Variants in SIDT1 observed in about 807,000 individuals in gnomAD.
The protein encoded by SIDT1 is SID1 transmembrane family, member 1.
Under a neutral mutation model 107.5 loss-of-function variants are expected in SIDT1, and 101 were observed. The observed-to-expected ratio is 0.94, with a 90% CI of 0.80 to 1.11. The LOEUF is 1.11. Ranked by LOEUF, SIDT1 falls within the 50% of genes least tolerant of loss-of-function variation. SIDT1 has a pLI of 0.00. For synonymous variants in SIDT1, 395 were observed against 398.2 expected, an observed-to-expected ratio of 0.99 and a Z score of 0.10; for missense variants, 1,076 against 1,058.2, an observed-to-expected ratio of 1.02 and a Z score of -0.23.
intron 1 of SIDT1, among the ~76,000 whole-genome samples, chr3:113,537,749 G>A (rs1171258160): frequency 1.3e-5 from 2 of 152,210 alleles, no homozygotes; most frequent in Non-Finnish European, 2.9e-5. Flanking sequence ...GGCCAAGAGA[G>A]CAAAGAGAGA....
chr3:113,559,636 G>A (rs915317585), intron 1 of SIDT1, among the ~76,000 whole-genome samples: 37 of 151,884 alleles, frequency 2.4e-4, no homozygotes, highest in African/African-American at 8.2e-4. Context: ...TAGAGACAGA[G>A]GTTTTACCAT....
At position 113,614,053 on chromosome 3, in the gene SIDT1, T is replaced by C. The variant is rs1370849967; in HGVS notation, c.1966+1859T>C. Among the ~76,000 whole-genome samples the C allele has an allele frequency of 3.3e-5, 5 of 152,134 alleles. 1 individual carries two copies. The highest frequency in any genetic ancestry group is 9.7e-5 in the African/African-American group (4 of 41,414). ...AGCAGCAGTGAAGCTTTTACATCTA[T>C]AAGCCCAAAAGGACAGGGAAGACAT... On this transcript the variant is annotated intron_variant, in intron 19 of 24. Transcript: ENST00000264852.
At chr3:113,623,133 G>C (rs1320216232) in intron 21 of SIDT1, among the ~76,000 whole-genome samples, 1 of 140,344 alleles carries the variant, frequency 7.1e-6, no homozygotes, top group Non-Finnish European at 1.5e-5. Flanking sequence ...GGAGGTTGCA[G>C]TGAGCCGTGA....
chr3:113,561,764 G>A (rs1441986038), intron 1 of SIDT1, among the ~76,000 whole-genome samples: 2 of 152,180 alleles, frequency 1.3e-5, no homozygotes, highest in Non-Finnish European at 2.9e-5. Flanking sequence ...TGACTTGAGG[G>A]ATTTGCTTTG....
At chr3:113,543,180 A>T (rs112976580) in intron 1 of SIDT1, among the ~76,000 whole-genome samples, 6,422 of 152,082 alleles carry the variant, frequency 0.042, 259 homozygotes, top group African/African-American at 0.11. Context: ...AACTCAGGTG[A>T]TCCATCTGCC....
intron 6 of SIDT1, among the ~76,000 whole-genome samples, chr3:113,582,866 G>A (rs1170454095): frequency 2.0e-5 from 3 of 152,062 alleles, no homozygotes; most frequent in African/African-American, 7.2e-5. Flanking sequence ...TTAAGTCTGG[G>A]TTATAGAACT....
At position 113,580,622 on chromosome 3, in the gene SIDT1, G is replaced by T; in HGVS notation, c.576G>T (p.Lys192Asn). The change falls in exon 5 of 25, where the codon AAG becomes AAT. Residue 192 changes from lysine (K) to asparagine (N), a missense_variant. Physicochemically the swap from Lys to Asn is moderately conservative, Grantham distance 94. Transcript: ENST00000264852. ...CTTATTCTCAGTATTTTCTATACAA[G>T]TTTCCCAAAGACGTGGACTCAGTTA... ...SPSQPQYFLY[K>N]FPKDVDSVII... is the part of the protein sequence containing the mutation. 6.2e-7 allele frequency: 1 copy of T among 1,604,270 alleles called. No homozygotes were observed. Among genetic ancestry groups the T allele is most frequent in the African/African-American group, 1.3e-5 (1 of 74,864 alleles).
chr3:113,539,999 C>T (rs1274837112), intron 1 of SIDT1, among the ~76,000 whole-genome samples: 1 of 140,400 alleles, frequency 7.1e-6, no homozygotes, highest in Non-Finnish European at 1.5e-5. Flanking sequence ...AGTGAAACTC[C>T]GTCTCAAAAA....
In SIDT1 at chr3:113,628,890, C is replaced by T. The variant is rs1947015930; in HGVS notation, c.*1182C>T. 1 of 152,274 alleles carries T rather than the reference C, an allele frequency of 6.6e-6. No homozygotes were observed. Among genetic ancestry groups the T allele is most frequent in the Non-Finnish European group, 1.5e-5 (1 of 68,070 alleles). The allele number at this position is 152,274 out of a possible 1,614,324, so 9.4% of individuals were successfully genotyped here. A position where few individuals can be genotyped will look rare whatever the true frequency, so the allele number is the denominator to read the frequency against. ...AATCTAATGTTGTCTCTCGGTTGCA[C>T]CTGACATTCTCTCCCCAGTAAGGTG... On this transcript the variant is annotated 3_prime_UTR_variant, in exon 25 of 25. Transcript: ENST00000264852.
At chr3:113,589,585 G>C (rs1301558653) in intron 9 of SIDT1, among the ~76,000 whole-genome samples, 1 of 143,022 alleles carries the variant, frequency 7.0e-6, no homozygotes, top group Non-Finnish European at 1.5e-5. Flanking sequence ...CCAGGCTGGA[G>C]TGCAGTGGCA....
intron 9 of SIDT1, chr3:113,592,697 C>T (rs565246121): frequency 2.2e-5 from 7 of 312,434 alleles, no homozygotes; most frequent in East Asian, 7.2e-5. Context: ...AAGCAATTCT[C>T]CTGCCTCAGC....
At chr3:113,599,284 G>A (rs969742696) in intron 10 of SIDT1, among the ~76,000 whole-genome samples, 28 of 152,246 alleles carry the variant, frequency 1.8e-4, no homozygotes, top group African/African-American at 6.3e-4. Context: ...GAAAGAAGAT[G>A]CAGGATGACC....
chr3:113,577,583 C>T (rs1043398457), intron 4 of SIDT1, among the ~76,000 whole-genome samples: 9 of 152,138 alleles, frequency 5.9e-5, no homozygotes, highest in African/African-American at 2.2e-4. Flanking sequence ...TACATGAAAA[C>T]TTGGATTAAG....
At position 113,566,496 on chromosome 3, in the gene SIDT1, A is replaced by C; in HGVS notation, c.299A>C (p.Gln100Pro). The C allele has an allele frequency of 1.2e-6, 2 of 1,614,216 alleles. No individual in the cohort carries two copies. The highest frequency in any genetic ancestry group is 1.7e-6 in the Non-Finnish European group (2 of 1,180,040). The stretch of plus-strand genomic sequence containing the variant: ...CCGGTCCTTGTTGTGGTTCGCCAGC[A>C]GAAAGAGGTGCTGTCCTGGCAGGTT... The part of the protein sequence containing the change: ...NYPVLVVVRQ[Q>P]KEVLSWQVPL... The change falls in exon 2 of 25, where the codon CAG becomes CCG. Residue 100 changes from glutamine to proline, a missense_variant. Transcript: ENST00000264852.
intron 16 of SIDT1, 99 bp from the exon 17 acceptor site, chr3:113,608,320 A>G (rs910090079): frequency 4.5e-6 from 7 of 1,543,948 alleles, no homozygotes; most frequent in Non-Finnish European, 5.3e-6. Flanking sequence ...TATTATGTGT[A>G]ATAAACTACA....
chr3:113,552,027 G>A (rs945297331), intron 1 of SIDT1, among the ~76,000 whole-genome samples: 3 of 152,060 alleles, frequency 2.0e-5, no homozygotes, highest in Non-Finnish European at 4.4e-5. Flanking sequence ...TGACAAACAG[G>A]ACTAACCGAC....
At chr3:113,572,626 G>A (rs1942558329) in intron 3 of SIDT1, among the ~76,000 whole-genome samples, 1 of 152,188 alleles carries the variant, frequency 6.6e-6, no homozygotes, top group Non-Finnish European at 1.5e-5. Context: ...TTATCTGAAT[G>A]GAGAAGAAAG....
chr3:113,602,081 C>G (rs1944996358), intron 11 of SIDT1: 2 of 155,076 alleles, frequency 1.3e-5, no homozygotes, highest in South Asian at 4.0e-4. Context: ...ATGGCTGTAG[C>G]CTACCAATCC....
chr3:113,624,426 T>C (rs964236192), intron 23 of SIDT1, among the ~76,000 whole-genome samples: 14 of 152,238 alleles, frequency 9.2e-5, no homozygotes, highest in Admixed American at 7.9e-4. Flanking sequence ...GTAACATACA[T>C]AGTACTTCAT....
Sources: gnomAD v4.1 joint callset for allele counts (sites outside exome capture counted in the v4.1 genomes callset) on GRCh38, gnomAD v4.1.1 for gene constraint, MANE v1.5 for transcripts, NCBI Gene and HGNC (gene_info 2026-07-23, HGNC 2026-07-21) for gene names.